The following STK4 variants were observed in gnomAD, a reference collection of about 807,000 sequenced individuals.
STK4 encodes the protein serine/threonine-protein kinase 4.
A neutral mutation model predicts 64.9 loss-of-function variants in STK4; 30 were observed. That is an observed-to-expected ratio of 0.46 (90% CI 0.35 to 0.63). STK4 has a LOEUF of 0.63. Ranked by LOEUF, STK4 falls within the 20% of genes least tolerant of loss-of-function variation. STK4 has a pLI of 0.01. For missense variants in STK4, 466 were observed against 598.5 expected, an observed-to-expected ratio of 0.78 and a Z score of 2.31; for synonymous variants, 177 against 199.0, an observed-to-expected ratio of 0.89 and a Z score of 0.93.
intron 3 of STK4, among the ~76,000 whole-genome samples, chr20:44,981,375 G>A (rs933579995): frequency 2.6e-5 from 4 of 151,156 alleles, no homozygotes; most frequent in South Asian, 4.2e-4. Context: ...GGCTGGTCAC[G>A]AACTCCTGAG....
At chr20:45,068,650 C>G (rs1979794993) in intron 10 of STK4, among the ~76,000 whole-genome samples, 1 of 152,256 alleles carries the variant, frequency 6.6e-6, no homozygotes. Flanking sequence ...TTCCAGAAAC[C>G]CTTCATGTTT....
intron 3 of STK4, among the ~76,000 whole-genome samples, chr20:44,980,718 G>A (rs1019879133): frequency 6.6e-6 from 1 of 152,162 alleles, no homozygotes; most frequent in African/African-American, 2.4e-5. Flanking sequence ...GCCCAGGCTG[G>A]AGTGCAGTGG....
At chr20:45,034,514 A>T (rs377063882) in intron 10 of STK4, among the ~76,000 whole-genome samples, 1 of 152,228 alleles carries the variant, frequency 6.6e-6, no homozygotes, top group African/African-American at 2.4e-5. Context: ...GCATAAAAAT[A>T]TGCAAGATAC....
chr20:45,059,508 T>TG (rs1289216707), intron 10 of STK4, among the ~76,000 whole-genome samples: 5 of 151,810 alleles, frequency 3.3e-5, no homozygotes, highest in Admixed American at 6.6e-5. Flanking sequence ...GACTGAGGGG[T>TG]GGATAGTGTG....
Position 44,992,985 on chromosome 20 carries a change from C to T in STK4, c.526-2105C>T, listed in dbSNP as rs573995611. On this transcript the variant is annotated intron_variant, in intron 5 of 10. Coordinates refer to ENST00000372806, the MANE Select transcript of STK4 (RefSeq NM_006282.5). Reference sequence around the variant, plus strand: ...TGCTGGGATTATAGGCATGAGCCACCGTGCCTGACTGTCTAATGTACTTCT... The same window carrying T: ...TGCTGGGATTATAGGCATGAGCCACTGTGCCTGACTGTCTAATGTACTTCT... 7.9e-5 allele frequency among the ~76,000 whole-genome samples: 12 copies of T among 152,146 alleles called. No individual in the cohort carries two copies. In the South Asian group the frequency reaches 1.7e-3, roughly 21 times the overall value.
intron 9 of STK4, among the ~76,000 whole-genome samples, chr20:45,002,472 C>T (rs555099706): frequency 6.6e-6 from 1 of 152,254 alleles, no homozygotes; most frequent in Non-Finnish European, 1.5e-5. Flanking sequence ...TAAGCAGTCA[C>T]AGTCTGAGTA....
chr20:45,061,453 A>G (rs1309213083), intron 10 of STK4, among the ~76,000 whole-genome samples: 1 of 152,186 alleles, frequency 6.6e-6, no homozygotes, highest in Non-Finnish European at 1.5e-5. Context: ...CCTGCCTGGG[A>G]CATGAATCAT....
At chr20:45,046,915 C>T (rs6130740) in intron 10 of STK4, among the ~76,000 whole-genome samples, 18,757 of 150,258 alleles carry the variant, frequency 0.12, 1,452 homozygotes, top group East Asian at 0.22. Context: ...CTCCTGACCT[C>T]GTGATCTGCC....
chr20:45,028,093 T>C (rs1037660523), intron 10 of STK4, among the ~76,000 whole-genome samples: 3 of 152,246 alleles, frequency 2.0e-5, no homozygotes, highest in Non-Finnish European at 4.4e-5. Flanking sequence ...ATCTTGTTGA[T>C]ACATTGATTT....
chr20:45,042,778 G>A (rs1428539857), intron 10 of STK4, among the ~76,000 whole-genome samples: 1 of 152,034 alleles, frequency 6.6e-6, no homozygotes, highest in Admixed American at 6.5e-5. Flanking sequence ...ACAACTCAGG[G>A]TATTGGTTGT....
At chr20:45,003,622 A>G (rs1201525045) in intron 9 of STK4, among the ~76,000 whole-genome samples, 1 of 151,330 alleles carries the variant, frequency 6.6e-6, no homozygotes, top group African/African-American at 2.4e-5. Context: ...ATGTTAAGGG[A>G]GGCTATGCAT....
chr20:45,016,506 T>C (rs2068145556), intron 9 of STK4, among the ~76,000 whole-genome samples: 1 of 151,906 alleles, frequency 6.6e-6, no homozygotes, highest in African/African-American at 2.4e-5. Context: ...TAAATCCTAA[T>C]TGTTTGTGCA....
At chr20:45,066,181 TAC>T (rs11472596) in intron 10 of STK4, among the ~76,000 whole-genome samples, 8,245 of 147,474 alleles carry the variant, frequency 0.056, 348 homozygotes, top group African/African-American at 0.12. Context: ...ATTATATATC[TAC>T]ACACACACAC....
chr20:44,966,542 C>T lies in STK4; in HGVS notation c.-27C>T, dbSNP rs912912301. 6.1e-5 allele frequency: 77 copies of T among 1,260,092 alleles called. No individual in the cohort carries two copies. Among genetic ancestry groups the T allele is most frequent in the Non-Finnish European group, 7.0e-5 (70 of 993,024 alleles). 78.1% of individuals were successfully genotyped at this position (1,260,092 alleles called of 1,614,324 possible). A position where few individuals can be genotyped will look rare whatever the true frequency, so the allele number is the denominator to read the frequency against. On this transcript the variant is annotated 5_prime_UTR_variant, in exon 1 of 11. Coordinates refer to ENST00000372806, the MANE Select transcript of STK4 (RefSeq NM_006282.5). ...GTCCGCGGGAGGATGGAGCAGTGAGCGGGTCTGGGCGGCTGCTGGCAGCGC... is the reference window on the plus strand; with the variant it reads ...GTCCGCGGGAGGATGGAGCAGTGAGTGGGTCTGGGCGGCTGCTGGCAGCGC...
At chr20:44,987,087 G>T in intron 4 of STK4, 45 bp from the exon 5 acceptor site, 1 of 1,465,042 alleles carries the variant, frequency 6.8e-7, no homozygotes. Flanking sequence ...TTTCTAATGC[G>T]CTGATGTAAA....
At chr20:45,000,757 A>AT (rs1314320983) in intron 8 of STK4, among the ~76,000 whole-genome samples, 2 of 152,112 alleles carry the variant, frequency 1.3e-5, no homozygotes, top group African/African-American at 4.8e-5. Flanking sequence ...CTTTTACTCA[A>AT]TTTAACTTTT....
chr20:45,021,905 A>G (rs903328860), intron 9 of STK4, among the ~76,000 whole-genome samples: 1 of 152,182 alleles, frequency 6.6e-6, no homozygotes, highest in Non-Finnish European at 1.5e-5. Context: ...CCAAGTCATA[A>G]AATCACGGAA....
At chr20:45,014,627 TA>T (rs1163040805) in intron 9 of STK4, among the ~76,000 whole-genome samples, 1 of 152,190 alleles carries the variant, frequency 6.6e-6, no homozygotes, top group Non-Finnish European at 1.5e-5. Flanking sequence ...GTTTAGCAGT[TA>T]AATGCTTTTG....
At chr20:45,050,573 T>C (rs2068762204) in intron 10 of STK4, among the ~76,000 whole-genome samples, 1 of 152,184 alleles carries the variant, frequency 6.6e-6, no homozygotes, top group Admixed American at 6.5e-5. Flanking sequence ...GGTATGTGAA[T>C]TGTTGCTTTA....
Sources: allele counts gnomAD v4.1 joint callset (sites outside exome capture counted in the v4.1 genomes callset), GRCh38; gene constraint gnomAD v4.1.1; transcripts MANE v1.5; gene names NCBI Gene and HGNC (gene_info 2026-07-23, HGNC 2026-07-21).